The following EIF3E variants were observed in gnomAD, a reference collection of about 807,000 sequenced individuals.
EIF3E encodes eukaryotic translation initiation factor 3 subunit E, also known as eIF-3 p48.
EIF3E carries 25 observed loss-of-function variants against 59.3 expected under a neutral mutation model. The observed-to-expected ratio is 0.42, with a 90% CI of 0.31 to 0.59. The LOEUF is 0.59. EIF3E is among the 20% of genes least tolerant of loss of function. The pLI, the probability that EIF3E is intolerant of heterozygous loss-of-function variation, is 0.15. For synonymous variants in EIF3E, 176 were observed against 170.2 expected, an observed-to-expected ratio of 1.03 and a Z score of -0.26; for missense variants, 317 against 534.3, an observed-to-expected ratio of 0.59 and a Z score of 4.01.
chr8:108,240,132 C>A, intron 2 of EIF3E, 57 bp from the exon 3 acceptor site: 1 of 1,398,850 alleles, frequency 7.1e-7, no homozygotes, highest in South Asian at 1.2e-5. Context: ...TTGTGCTACT[C>A]ATCATGAGAA....
At chr8:108,246,306 C>T (rs1815948623) in intron 1 of EIF3E, among the ~76,000 whole-genome samples, 1 of 150,238 alleles carries the variant, frequency 6.7e-6, no homozygotes, top group Admixed American at 6.7e-5. Flanking sequence ...GCTGCTGTAT[C>T]CTCACATAGC....
intron 7 of EIF3E, among the ~76,000 whole-genome samples, chr8:108,222,828 G>GTTTTTTTTTTTTT (rs11320166): frequency 7.4e-6 from 1 of 134,292 alleles, no homozygotes; most frequent in African/African-American, 2.7e-5. Context: ...AATTTTCTTA[G>GTTTTTTTTTTTTT]TTTTTTTTTT....
chr8:108,226,258 A>T (rs1462418975), intron 7 of EIF3E: 1 of 144,238 alleles, frequency 6.9e-6, no homozygotes, highest in African/African-American at 2.6e-5. Flanking sequence ...CAATGGTGTG[A>T]TCTAGGCTCA....
Position 108,227,370 on chromosome 8 carries a change from C to A in EIF3E, c.722+897G>T, listed in dbSNP as rs535035619. The A allele has an allele frequency of 2.4e-4, 37 of 152,020 alleles. 1 individual carries two copies. The highest frequency in any genetic ancestry group is 5.1e-4 in the Non-Finnish European group (35 of 67,996). The allele number at this position is 152,020 out of a possible 1,614,324, so 9.4% of individuals were successfully genotyped here. On this transcript the variant is annotated intron_variant, in intron 7 of 12. Coordinates refer to ENST00000220849, the MANE Select transcript of EIF3E (RefSeq NM_001568.3). ...AATTTGCCCAATAATATAGTCAATA[C>A]AATATAACTCATACCATGAAGCAAC...
At chr8:108,223,666 A>ATT (rs1360359347) in intron 7 of EIF3E, among the ~76,000 whole-genome samples, 1 of 152,194 alleles carries the variant, frequency 6.6e-6, no homozygotes, top group Non-Finnish European at 1.5e-5. Context: ...CAGCATCTAC[A>ATT]TTTAGTGGCA....
chr8:108,232,823 A>G (rs780843779), intron 5 of EIF3E, among the ~76,000 whole-genome samples: 1 of 152,194 alleles, frequency 6.6e-6, no homozygotes, highest in Non-Finnish European at 1.5e-5. Flanking sequence ...AGTTACCTTA[A>G]GTTTCCATGT....
chr8:108,216,998 C>T (rs543903622), intron 8 of EIF3E, among the ~76,000 whole-genome samples: 5 of 152,216 alleles, frequency 3.3e-5, no homozygotes, highest in East Asian at 1.9e-4. Flanking sequence ...ATATAAAGTT[C>T]ACCCATGTAG....
intron 7 of EIF3E, 31 bp downstream of exon 7, chr8:108,228,235 CA>C: frequency 6.5e-7 from 1 of 1,534,398 alleles, no homozygotes; most frequent in Non-Finnish European, 8.7e-7. Context: ...TTTATCTAAA[CA>C]AAGCCAAAAT....
chr8:108,245,341 C>T (rs1815927985), intron 1 of EIF3E, among the ~76,000 whole-genome samples: 1 of 152,066 alleles, frequency 6.6e-6, no homozygotes, highest in African/African-American at 2.4e-5. Context: ...TGGTGGCGCA[C>T]ACCTGTAGTC....
intron 4 of EIF3E, 70 bp from the exon 5 acceptor site, chr8:108,235,172 T>A: frequency 1.1e-6 from 1 of 916,470 alleles, no homozygotes; most frequent in Non-Finnish European, 1.6e-6. Flanking sequence ...AATTCATAAG[T>A]CTTTGAGGTC....
In EIF3E at chr8:108,201,959, G is replaced by T. The variant is rs1815003042; in HGVS notation, c.1300-36C>A. ...CAAAAAGAAATCAACACCGTGAAAAGAAAATACTTTCGGAAAAAAACTAAC... is the reference window on the plus strand; with the variant it reads ...CAAAAAGAAATCAACACCGTGAAAATAAAATACTTTCGGAAAAAAACTAAC... On this transcript the variant is annotated intron_variant, in intron 12 of 12. Transcript: ENST00000220849. The T allele has an allele frequency of 2.0e-6, 3 of 1,525,366 alleles. No individual in the cohort carries two copies. The East Asian group carries it at 7.1e-5, about 36-fold the overall frequency. 94.5% of individuals were successfully genotyped at this position (1,525,366 alleles called of 1,614,324 possible).
chr8:108,221,864 C>T (rs1815422835), intron 7 of EIF3E, among the ~76,000 whole-genome samples: 1 of 152,040 alleles, frequency 6.6e-6, no homozygotes, highest in Non-Finnish European at 1.5e-5. Context: ...AACACTAAAA[C>T]TGAAATTTCA....
chr8:108,229,024 G>T (rs931952224), intron 6 of EIF3E, 46 bp downstream of exon 6: 2 of 1,538,396 alleles, frequency 1.3e-6, no homozygotes, highest in African/African-American at 2.8e-5. Context: ...AAGTGTGAAG[G>T]ATACACAGAT....
intron 7 of EIF3E, among the ~76,000 whole-genome samples, chr8:108,224,359 A>T (rs2129884813): frequency 6.6e-6 from 1 of 151,788 alleles, no homozygotes; most frequent in East Asian, 1.9e-4. Context: ...TCTTAAACAG[A>T]GACAACTGAA....
chr8:108,222,431 A>G (rs1815435719), intron 7 of EIF3E, among the ~76,000 whole-genome samples: 1 of 152,200 alleles, frequency 6.6e-6, no homozygotes, highest in Admixed American at 6.5e-5. Context: ...ATGCATCTAT[A>G]TATAGATAAG....
At chr8:108,207,176 TAC>T (rs972789776) in intron 10 of EIF3E, among the ~76,000 whole-genome samples, 1 of 152,040 alleles carries the variant, frequency 6.6e-6, no homozygotes, top group Non-Finnish European at 1.5e-5. Context: ...AACATGAAAA[TAC>T]ACTCAGTAAA....
intron 2 of EIF3E, among the ~76,000 whole-genome samples, chr8:108,241,019 T>A: frequency 6.6e-6 from 1 of 152,170 alleles, no homozygotes; most frequent in East Asian, 1.9e-4. Context: ...GTTTCCTTTT[T>A]GTTTATCCAT....
chr8:108,214,210 A>C (rs1053834069), intron 10 of EIF3E, among the ~76,000 whole-genome samples: 8 of 152,200 alleles, frequency 5.3e-5, no homozygotes, highest in Admixed American at 5.2e-4. Context: ...AACTAAATGG[A>C]AAGGATTACC....
chr8:108,223,444 A>G (rs1815458180), intron 7 of EIF3E, among the ~76,000 whole-genome samples: 1 of 152,216 alleles, frequency 6.6e-6, no homozygotes, highest in Non-Finnish European at 1.5e-5. Flanking sequence ...ATTAGAAAAT[A>G]TAAGGAAAAT....
Sources: gnomAD v4.1 joint callset for allele counts (sites outside exome capture counted in the v4.1 genomes callset) on GRCh38, gnomAD v4.1.1 for gene constraint, MANE v1.5 for transcripts, NCBI Gene and HGNC (gene_info 2026-07-23, HGNC 2026-07-21) for gene names.